CERS6: variants seen among roughly 807,000 people sequenced by gnomAD.
The protein encoded by CERS6 is ceramide synthase 6.
In CERS6, 26 loss-of-function variants were observed where a neutral mutation model predicts 56.8. That is an observed-to-expected ratio of 0.46 (90% CI 0.34 to 0.63). The LOEUF is 0.63. CERS6 is among the 30% of genes least tolerant of loss of function. The pLI is 0.01. For synonymous variants in CERS6, 164 were observed against 173.3 expected (o/e 0.95, Z 0.42); for missense variants, 415 against 467.5 (o/e 0.89, Z 1.04).
chr2:168,643,480 C>A (rs1356717294), intron 4 of CERS6, among the ~76,000 whole-genome samples: 1 of 152,110 alleles, frequency 6.6e-6, no homozygotes, highest in Non-Finnish European at 1.5e-5. Flanking sequence ...GTGTTGATAG[C>A]ATGATGTTTT....
intron 2 of CERS6, among the ~76,000 whole-genome samples, chr2:168,554,091 T>C (rs1479014563): frequency 6.6e-6 from 1 of 152,082 alleles, no homozygotes; most frequent in Non-Finnish European, 1.5e-5. Flanking sequence ...ATATTGCTCA[T>C]TTGAATTATT....
chr2:168,547,467 C>A, intron 1 of CERS6, 129 bp from the exon 2 acceptor site: 4 of 588,800 alleles, frequency 6.8e-6, no homozygotes, highest in South Asian at 3.9e-5. Flanking sequence ...GGAGTGTTGA[C>A]AATGTACACC....
At chr2:168,574,415 T>TGA (rs1491207562) in intron 3 of CERS6, among the ~76,000 whole-genome samples, 4 of 139,296 alleles carry the variant, frequency 2.9e-5, no homozygotes, top group East Asian at 4.3e-4. Context: ...TGTGTGTGTG[T>TGA]CAAGCATTTA....
At chr2:168,569,135 C>G (rs1415943149) in intron 3 of CERS6, among the ~76,000 whole-genome samples, 1 of 152,170 alleles carries the variant, frequency 6.6e-6, no homozygotes, top group African/African-American at 2.4e-5. Flanking sequence ...CTAAAAGTCC[C>G]AGGTGACATA....
intron 4 of CERS6, among the ~76,000 whole-genome samples, chr2:168,657,603 C>G (rs1559039394): frequency 2.0e-5 from 3 of 152,338 alleles, no homozygotes; most frequent in Admixed American, 1.3e-4. Flanking sequence ...CAGCCAAGGC[C>G]CGGCGAGAAA....
At chr2:168,763,425 AT>A (rs995829331) in intron 8 of CERS6, among the ~76,000 whole-genome samples, 3 of 149,474 alleles carry the variant, frequency 2.0e-5, no homozygotes, top group South Asian at 2.1e-4. Context: ...TTTATTTTTT[AT>A]TTTTTTTGTA....
intron 1 of CERS6, among the ~76,000 whole-genome samples, chr2:168,510,863 GTAAAA>G (rs971639605): frequency 1.3e-5 from 2 of 152,028 alleles, no homozygotes; most frequent in African/African-American, 2.4e-5. Flanking sequence ...TTTATAAAAG[GTAAAA>G]TAAAATAAAA....
chr2:168,670,535 G>A (rs1012526723), intron 4 of CERS6, among the ~76,000 whole-genome samples: 2 of 152,178 alleles, frequency 1.3e-5, no homozygotes, highest in Non-Finnish European at 2.9e-5. Flanking sequence ...TTTACCTTTT[G>A]TCTTCTCTTA....
chr2:168,456,686 T>G lies in CERS6; in HGVS notation c.170+68T>G, dbSNP rs1553481421. 1.4e-6 allele frequency: 2 copies of G among 1,473,880 alleles called. No homozygotes were observed. Among genetic ancestry groups the G allele is most frequent in the Non-Finnish European group, 1.9e-6 (2 of 1,079,888 alleles). The allele number at this position is 1,473,880 out of a possible 1,614,324, so 91.3% of individuals were successfully genotyped here. ...CACACGCGCGCACACACTCGCGCGC[T>G]CTCTGGCGCACGCCCCCGCGCCCCC... On this transcript the variant is annotated intron_variant, in intron 1 of 9. Coordinates refer to ENST00000305747, the MANE Select transcript of CERS6 (RefSeq NM_203463.3). This position sits in a 1 kb window ranked among gnomAD's most constrained non-coding sequence, Gnocchi z 4.1.
At chr2:168,631,173 A>C in intron 4 of CERS6, 131 bp downstream of exon 4, 1 of 494,492 alleles carries the variant, frequency 2.0e-6, no homozygotes, top group Non-Finnish European at 3.6e-6. Flanking sequence ...TTATTTGTGC[A>C]TTTTCATTTG....
chr2:168,688,882 GA>G (rs1208657137), intron 4 of CERS6, among the ~76,000 whole-genome samples: 1 of 152,164 alleles, frequency 6.6e-6, no homozygotes, highest in East Asian at 1.9e-4. Context: ...AGATCTAGGG[GA>G]TGCACATCTG....
chr2:168,465,845 A>G (rs1693861651), intron 1 of CERS6, among the ~76,000 whole-genome samples: 1 of 152,106 alleles, frequency 6.6e-6, no homozygotes, highest in African/African-American at 2.4e-5. Flanking sequence ...AATGGTTATG[A>G]TGGTAAGTGT....
chr2:168,631,544 T>TAA (rs1559028139), intron 4 of CERS6, among the ~76,000 whole-genome samples: 7 of 61,908 alleles, frequency 1.1e-4, no homozygotes, highest in African/African-American at 1.7e-4. Context: ...ATTAAATATA[T>TAA]TATATTTTTA....
chr2:168,567,243 A>T (rs575156308), intron 3 of CERS6, among the ~76,000 whole-genome samples: 1 of 152,226 alleles, frequency 6.6e-6, no homozygotes, highest in Non-Finnish European at 1.5e-5. Context: ...ACATTGTTAT[A>T]GTCCAAGTCA....
intron 1 of CERS6, among the ~76,000 whole-genome samples, chr2:168,505,198 CA>C (rs1395674717): frequency 6.6e-6 from 1 of 151,330 alleles, no homozygotes; most frequent in Non-Finnish European, 1.5e-5. Context: ...GGCAACATGG[CA>C]AAACTCTGTC....
intron 6 of CERS6, among the ~76,000 whole-genome samples, chr2:168,702,322 C>T (rs1559058889): frequency 6.6e-6 from 1 of 152,014 alleles, no homozygotes; most frequent in Non-Finnish European, 1.5e-5. Context: ...TCATAGAACC[C>T]CATTTTTACT....
chr2:168,635,211 G>A (rs997320134), intron 4 of CERS6, among the ~76,000 whole-genome samples: 5 of 152,174 alleles, frequency 3.3e-5, no homozygotes, highest in Non-Finnish European at 4.4e-5. Context: ...ACAGAACATA[G>A]AGGCTCAAAG....
At chr2:168,620,968 G>C (rs901341270) in intron 3 of CERS6, among the ~76,000 whole-genome samples, 6 of 152,134 alleles carry the variant, frequency 3.9e-5, no homozygotes, top group African/African-American at 1.4e-4. Context: ...TCAGTATGTT[G>C]CCCAGGCTAG....
At chr2:168,678,387 C>T (rs2105347570) in intron 4 of CERS6, among the ~76,000 whole-genome samples, 1 of 152,280 alleles carries the variant, frequency 6.6e-6, no homozygotes, top group Non-Finnish European at 1.5e-5. Flanking sequence ...CTGCTTCTTA[C>T]TGCAAGGGGG....
Sources: allele counts gnomAD v4.1 joint callset (sites outside exome capture counted in the v4.1 genomes callset), GRCh38; gene constraint gnomAD v4.1.1; non-coding constraint Gnocchi (gnomAD v3.1); transcripts MANE v1.5; gene names NCBI Gene and HGNC (gene_info 2026-07-23, HGNC 2026-07-21).